CYP19A1: variants seen among roughly 807,000 people sequenced by gnomAD.
CYP19A1 encodes the protein cytochrome P450 family 19 subfamily A member 1.
CYP19A1 carries 32 observed loss-of-function variants against 44.4 expected under a neutral mutation model. The observed-to-expected ratio is 0.72, with a 90% CI of 0.54 to 0.97. CYP19A1 has a LOEUF of 0.97. Ranked by LOEUF, CYP19A1 falls within the 50% of genes least tolerant of loss-of-function variation. The pLI is 0.00. For synonymous variants in CYP19A1, 212 were observed against 215.6 expected (o/e 0.98, Z 0.14); for missense variants, 598 against 637.8 (o/e 0.94, Z 0.67).
Position 51,210,102 on chromosome 15 carries a change from GTTTGTA to G in CYP19A1, c.*700_*705del, listed in dbSNP as rs1264560936. On this transcript the variant is annotated 3_prime_UTR_variant, in exon 10 of 10. Transcript: ENST00000396402. Reference sequence around the variant, plus strand: ...TTGTATTACTTGATGATTATATATAGTTTGTATTACCTGAATCTACAGGTAACACAA... The same window carrying G: ...TTGTATTACTTGATGATTATATATAGTTACCTGAATCTACAGGTAACACAA... 3.2e-6 allele frequency: 1 copy of G among 316,576 alleles called. No individual in the cohort carries two copies. The highest frequency in any genetic ancestry group is 2.2e-5 in the African/African-American group (1 of 45,672). The allele number at this position is 316,576 out of a possible 1,614,324, so 19.6% of individuals were successfully genotyped here.
At chr15:51,335,342 G>A (rs568849170) in intron 1 of CYP19A1, among the ~76,000 whole-genome samples, 1 of 152,154 alleles carries the variant, frequency 6.6e-6, no homozygotes, top group Admixed American at 6.5e-5. Flanking sequence ...TTACCAGCCC[G>A]ACTTGGACCA....
chr15:51,260,761 G>A (rs1311241772), intron 1 of CYP19A1, among the ~76,000 whole-genome samples: 1 of 152,182 alleles, frequency 6.6e-6, no homozygotes, highest in East Asian at 1.9e-4. Context: ...AGGAGGTAAA[G>A]AAATAGTCAA....
chr15:51,281,667 C>T (rs1010437995), intron 1 of CYP19A1, among the ~76,000 whole-genome samples: 3 of 151,834 alleles, frequency 2.0e-5, no homozygotes, highest in East Asian at 3.9e-4. Flanking sequence ...CTTGGCTGGC[C>T]AGAGGTAATG....
At chr15:51,228,816 A>G (rs1326307841) in intron 3 of CYP19A1, among the ~76,000 whole-genome samples, 1 of 152,186 alleles carries the variant, frequency 6.6e-6, no homozygotes, top group East Asian at 1.9e-4. Flanking sequence ...ATTAATTGCA[A>G]CTTTGGTCCT....
intron 3 of CYP19A1, 40 bp downstream of exon 3, chr15:51,236,819 T>C (rs778616186): frequency 6.2e-7 from 1 of 1,612,810 alleles, no homozygotes; most frequent in Non-Finnish European, 8.5e-7. Context: ...AACTCCAGCC[T>C]CGATTTAAAA....
At chr15:51,303,076 C>G (rs2036147901) in intron 1 of CYP19A1, among the ~76,000 whole-genome samples, 1 of 152,190 alleles carries the variant, frequency 6.6e-6, no homozygotes, top group Non-Finnish European at 1.5e-5. Context: ...CAGTCTTCAG[C>G]CAACTGTCAC....
chr15:51,257,887 G>A (rs1311723828), intron 1 of CYP19A1, among the ~76,000 whole-genome samples: 1 of 152,182 alleles, frequency 6.6e-6, no homozygotes, highest in Non-Finnish European at 1.5e-5. Context: ...ACTGGTAAAT[G>A]TACATGCATG....
At chr15:51,216,654 A>G (rs909217068) in intron 6 of CYP19A1, among the ~76,000 whole-genome samples, 1 of 152,132 alleles carries the variant, frequency 6.6e-6, no homozygotes, top group Non-Finnish European at 1.5e-5. Context: ...CTTGATATTT[A>G]TTCTCATGCC....
intron 1 of CYP19A1, among the ~76,000 whole-genome samples, chr15:51,272,287 A>G (rs903760348): frequency 1.3e-5 from 2 of 152,226 alleles, no homozygotes; most frequent in Admixed American, 1.3e-4. Context: ...ACTAGCCCCA[A>G]AGAGCAGAAG....
Position 51,210,616 on chromosome 15 carries a change from TG to T in CYP19A1, c.*191del, listed in dbSNP as rs546415613. ...GGCCTCTGCTTTTTCTCTTGTAGCC[TG>T]GTTCTCTGGTGTGAACAGGAGCAGA... On this transcript the variant is annotated 3_prime_UTR_variant, in exon 10 of 10. Coordinates refer to ENST00000396402, the MANE Select transcript of CYP19A1 (RefSeq NM_000103.4). 758 of 718,622 alleles carry T rather than the reference TG, an allele frequency of 1.1e-3. 5 individuals are homozygous for T. The highest frequency in any genetic ancestry group is 4.8e-3 in the South Asian group (338 of 70,164). 44.5% of individuals were successfully genotyped at this position (718,622 alleles called of 1,614,324 possible).
intron 1 of CYP19A1, among the ~76,000 whole-genome samples, chr15:51,313,379 G>A (rs1046257302): frequency 6.6e-6 from 1 of 152,124 alleles, no homozygotes; most frequent in African/African-American, 2.4e-5. Context: ...ACCTAAACTG[G>A]GGCCATAGGC....
chr15:51,213,633 G>A (rs747082436), intron 8 of CYP19A1, among the ~76,000 whole-genome samples: 9 of 152,198 alleles, frequency 5.9e-5, no homozygotes, highest in Non-Finnish European at 1.3e-4. Flanking sequence ...GAGCATGGAC[G>A]CTTGCAAATG....
intron 1 of CYP19A1, among the ~76,000 whole-genome samples, chr15:51,294,320 C>T (rs2035924971): frequency 6.8e-6 from 1 of 147,412 alleles, no homozygotes; most frequent in Non-Finnish European, 1.5e-5. Context: ...CGCCTCTGCC[C>T]CGCCGCCCCG....
chr15:51,256,674 A>T (rs1198025872), intron 1 of CYP19A1, among the ~76,000 whole-genome samples: 8 of 152,216 alleles, frequency 5.3e-5, no homozygotes. Flanking sequence ...TAACCGGGTA[A>T]TGGAAGTAGC....
chr15:51,240,265 A>G (rs1595709054), intron 2 of CYP19A1, among the ~76,000 whole-genome samples: 1 of 152,158 alleles, frequency 6.6e-6, no homozygotes, highest in Non-Finnish European at 1.5e-5. Context: ...CAGCCTGTTT[A>G]CTTAGCAGTA....
intron 1 of CYP19A1, among the ~76,000 whole-genome samples, chr15:51,282,272 A>T (rs899361242): frequency 1.3e-5 from 2 of 152,190 alleles, no homozygotes; most frequent in Admixed American, 6.5e-5. Context: ...TGGGAAAAAA[A>T]GCTGAGGCAG....
At chr15:51,252,365 C>A (rs567476000) in intron 1 of CYP19A1, among the ~76,000 whole-genome samples, 2 of 152,304 alleles carry the variant, frequency 1.3e-5, no homozygotes, top group East Asian at 3.9e-4. Flanking sequence ...CTTTCTCAAC[C>A]TTCTGCCTCA....
At chr15:51,258,634 G>GC (rs3837685) in intron 1 of CYP19A1, among the ~76,000 whole-genome samples, 96,699 of 151,864 alleles carry the variant, frequency 0.64, 31,874 homozygotes, top group African/African-American at 0.8. Flanking sequence ...TGGAGTCCAG[G>GC]CCCCTGCTCC....
intron 1 of CYP19A1, among the ~76,000 whole-genome samples, chr15:51,282,615 G>A (rs1487694381): frequency 1.3e-5 from 2 of 152,166 alleles, no homozygotes; most frequent in Admixed American, 6.5e-5. Flanking sequence ...CTCTCAAACT[G>A]TCTTTTCTCT....
Sources: allele counts gnomAD v4.1 joint callset (sites outside exome capture counted in the v4.1 genomes callset), GRCh38; gene constraint gnomAD v4.1.1; transcripts MANE v1.5; gene names NCBI Gene and HGNC (gene_info 2026-07-23, HGNC 2026-07-21).